The following MMEL1 variants were observed in gnomAD, a reference collection of about 807,000 sequenced individuals.
MMEL1 encodes membrane metalloendopeptidase like 1.
A neutral mutation model predicts 117.1 loss-of-function variants in MMEL1; 98 were observed. That is an observed-to-expected ratio of 0.84 (90% confidence interval 0.71 to 0.99). The LOEUF is 0.99. Ranked by LOEUF, MMEL1 falls within the 50% of genes least tolerant of loss-of-function variation. The pLI is 0.00. For synonymous variants in MMEL1, 390 were observed against 415.1 expected, an observed-to-expected ratio of 0.94 and a Z score of 0.74; for missense variants, 1,014 against 1,049.1, an observed-to-expected ratio of 0.97 and a Z score of 0.46.
Position 2,596,651 on chromosome 1 carries a change from A to C in MMEL1, c.1311T>G (p.Arg437=). ...TGCTGTTGACGTAGCCCACACATTCACGCCAGCGCACCTCCTCCACCATTG... is the reference window on the plus strand; with the variant it reads ...TGCTGTTGACGTAGCCCACACATTCCCGCCAGCGCACCTCCTCCACCATTG... ...FGTMVEEVRW[R]ECVGYVNSNM... Residue 437 remains arginine, a synonymous_variant, in exon 14 of 24, where the codon CGT becomes CGG. Coordinates refer to ENST00000378412, the MANE Select transcript of MMEL1 (RefSeq NM_033467.4). The C allele has an allele frequency of 6.2e-7, 1 of 1,612,960 alleles. No homozygotes were observed. The highest frequency in any genetic ancestry group is 1.1e-5 in the South Asian group (1 of 91,084).
Position 2,591,090 on chromosome 1 carries a change from C to T in MMEL1, c.2241-1G>A, listed in dbSNP as rs761228284. 2.5e-5 allele frequency: 39 copies of T among 1,574,876 alleles called. No homozygotes were observed. The highest frequency in any genetic ancestry group is 3.1e-5 in the Non-Finnish European group (36 of 1,161,256). On this transcript the variant is annotated splice_acceptor_variant, in intron 23 of 23. Transcript: ENST00000378412. LOFTEE classifies it high-confidence loss of function. ...CAGGTTCTGCAGCGACCCCAGTACCCTGTGGGTGGGTGGGTGTGACAGCAG... is the reference window on the plus strand; with the variant it reads ...CAGGTTCTGCAGCGACCCCAGTACCTTGTGGGTGGGTGGGTGTGACAGCAG...
intron 2 of MMEL1, among the ~76,000 whole-genome samples, chr1:2,619,010 C>T (rs1333323329): frequency 1.3e-5 from 2 of 152,188 alleles, no homozygotes; most frequent in Non-Finnish European, 2.9e-5. Flanking sequence ...TATCTCTTGA[C>T]TGTGCGTGGC....
At chr1:2,614,683 A>C (rs1645175959) in intron 2 of MMEL1, among the ~76,000 whole-genome samples, 1 of 152,160 alleles carries the variant, frequency 6.6e-6, no homozygotes, top group South Asian at 2.1e-4. Flanking sequence ...AAGCAACACC[A>C]ACCAAGGAGT....
chr1:2,629,777 A>C (rs1288309830), intron 1 of MMEL1: 1 of 351,392 alleles, frequency 2.8e-6, no homozygotes, highest in Non-Finnish European at 5.1e-6. Flanking sequence ...AGCTGGACCC[A>C]GGAGGCTCAG....
At position 2,595,427 on chromosome 1, in the gene MMEL1, A is replaced by G. The variant is rs2100929816; in HGVS notation, c.1501-68T>C. The G allele has an allele frequency of 1.4e-6, 2 of 1,381,540 alleles. No homozygotes were observed. Among genetic ancestry groups the G allele is most frequent in the Non-Finnish European group, 1.0e-6 (1 of 971,846 alleles). The allele number at this position is 1,381,540 out of a possible 1,614,324, so 85.6% of individuals were successfully genotyped here. A position where few individuals can be genotyped will look rare whatever the true frequency, so the allele number is the denominator to read the frequency against. ...GATGGAGTCAGCCCGGGGGCCGGTC[A>G]GTGAGTGCCACACTGTGGGAGGGGT... On this transcript the variant is annotated intron_variant, in intron 15 of 23. Coordinates refer to ENST00000378412, the MANE Select transcript of MMEL1 (RefSeq NM_033467.4). This position sits in a 1 kb window ranked among gnomAD's most constrained non-coding sequence, Gnocchi z 4.8.
intron 1 of MMEL1, among the ~76,000 whole-genome samples, chr1:2,632,021 C>A (rs1008414625): frequency 6.6e-6 from 1 of 152,204 alleles, no homozygotes; most frequent in Non-Finnish European, 1.5e-5. Context: ...TGTCAGGACC[C>A]TCTTTGGCCC....
Position 2,609,295 on chromosome 1 carries a change from C to T in MMEL1, c.535+44G>A, listed in dbSNP as rs963479409. ...GCTAGGCCCTGGCAGGGGCAGCCCG[C>T]CCCCGTCCCCTGCCTCGGCCCCTTC... On this transcript the variant is annotated intron_variant, in intron 6 of 23. Transcript: ENST00000378412. The T allele has an allele frequency of 5.7e-6, 9 of 1,577,588 alleles. No individual in the cohort carries two copies. In the Admixed American group the frequency reaches 1.4e-4, roughly 25 times the overall value.
Position 2,597,842 on chromosome 1 carries a change from G to A in MMEL1, c.1272+365C>T, listed in dbSNP as rs146547356. 4.7e-4 allele frequency among the ~76,000 whole-genome samples: 72 copies of A among 152,250 alleles called. No individual in the cohort carries two copies. In the East Asian group the frequency reaches 0.012, roughly 25 times the overall value. ...CTCCTTCCTGTCCGCTGCTGACCAC[G>A]GGTCCGGCCCCTGCCTGCTCCTGCC... is the stretch of plus-strand genomic sequence containing the variant. On this transcript the variant is annotated intron_variant, in intron 13 of 23. Transcript: ENST00000378412.
intron 5 of MMEL1, 54 bp from the exon 6 acceptor site, chr1:2,609,473 G>T: frequency 6.4e-7 from 1 of 1,567,422 alleles, no homozygotes; most frequent in Non-Finnish European, 8.7e-7. Context: ...CAGGGGCCAG[G>T]TCACAGGTCC....
At position 2,592,985 on chromosome 1, in the gene MMEL1, G is replaced by C; in HGVS notation, c.1868-19C>G. 6.2e-7 allele frequency: 1 copy of C among 1,611,572 alleles called. No individual in the cohort carries two copies. Among genetic ancestry groups the C allele is most frequent in the Non-Finnish European group, 8.5e-7 (1 of 1,179,378 alleles). On this transcript the variant is annotated intron_variant, in intron 19 of 23. Transcript: ENST00000378412. ...TTCCGGCCTGGGCAGGGGCAGAGGA[G>C]GGCTGCCCACATGCCCCTGGCTGCA... is the stretch of plus-strand genomic sequence containing the variant.
In MMEL1 at chr1:2,606,324, G is replaced by A. The variant is rs1276535377; in HGVS notation, c.674C>T (p.Ser225Leu). Reference protein sequence around the residue: ...ELERQLALMNSQFNRRVLIDL... With the variant: ...ELERQLALMNLQFNRRVLIDL... Reference sequence around the variant, plus strand: ...GATGAGGACGCGCCTGTTGAACTGTGAGTTCATCAGCGCCAGCTGCCGCTC... The same window carrying A: ...GATGAGGACGCGCCTGTTGAACTGTAAGTTCATCAGCGCCAGCTGCCGCTC... The change falls in exon 8 of 24, where the codon TCA (serine) becomes TTA (leucine). Residue 225 changes from serine to leucine, a missense_variant. Coordinates refer to ENST00000378412, the MANE Select transcript of MMEL1 (RefSeq NM_033467.4). 2 of 1,612,476 alleles carry A rather than the reference G, an allele frequency of 1.2e-6. No individual in the cohort carries two copies. The highest frequency in any genetic ancestry group is 2.7e-5 in the African/African-American group (2 of 74,932).
chr1:2,624,899 C>T (rs912224536), intron 2 of MMEL1, among the ~76,000 whole-genome samples: 15 of 152,122 alleles, frequency 9.9e-5, no homozygotes, highest in African/African-American at 1.9e-4. Context: ...GCAAAGGGGA[C>T]GCAAGCACGT....
At chr1:2,630,529 TG>T (rs922428589) in intron 1 of MMEL1, among the ~76,000 whole-genome samples, 18 of 149,086 alleles carry the variant, frequency 1.2e-4, no homozygotes, top group African/African-American at 4.3e-4. Flanking sequence ...CATGATTGCG[TG>T]GATATGCACT....
chr1:2,624,437 G>C (rs921535295), intron 2 of MMEL1, among the ~76,000 whole-genome samples: 6 of 152,208 alleles, frequency 3.9e-5, no homozygotes, highest in Admixed American at 2.6e-4. Flanking sequence ...CGCACTGATG[G>C]AAGAGGAGGT....
At chr1:2,594,706 C>T (rs1460730728) in intron 17 of MMEL1, 84 bp downstream of exon 17, 5 of 1,223,372 alleles carry the variant, frequency 4.1e-6, no homozygotes, top group South Asian at 2.6e-5. Flanking sequence ...CGCATCCAGT[C>T]CCCCGCCTGG....
chr1:2,623,556 T>C (rs1049457565), intron 2 of MMEL1, among the ~76,000 whole-genome samples: 1 of 152,212 alleles, frequency 6.6e-6, no homozygotes, highest in African/African-American at 2.4e-5. Context: ...TAAGAGATGT[T>C]CCAAGTGGGT....
chr1:2,611,402 G>T, intron 3 of MMEL1, 62 bp from the exon 4 acceptor site: 1 of 1,313,824 alleles, frequency 7.6e-7, no homozygotes, highest in Non-Finnish European at 1.0e-6. Flanking sequence ...GGACTGGAGT[G>T]GGTGTGGGCG....
Position 2,613,841 on chromosome 1 carries a change from AC to A in MMEL1, c.155-1638del, listed in dbSNP as rs1313898286. ...ACTCCAGCCTGGGAGACAGAGTGAGACCCTGTCTCAAAATAAAAACAAAAAC... is the reference window on the plus strand; with the variant it reads ...ACTCCAGCCTGGGAGACAGAGTGAGACCTGTCTCAAAATAAAAACAAAAAC... On this transcript the variant is annotated intron_variant, in intron 2 of 23. Transcript: ENST00000378412. Among the ~76,000 whole-genome samples the A allele has an allele frequency of 5.9e-5, 9 of 152,212 alleles. No individual in the cohort carries two copies. The South Asian group carries it at 1.0e-3, about 18-fold the overall frequency.
Position 2,612,947 on chromosome 1 carries a change from G to A in MMEL1, c.155-743C>T, listed in dbSNP as rs1183939515. The stretch of plus-strand genomic sequence containing the variant: ...AGGTACACAGAGGACTGAATGGAAG[G>A]AGGGAACAGGGCTCGTTCAGGTCAG... On this transcript the variant is annotated intron_variant, in intron 2 of 23. Coordinates refer to ENST00000378412, the MANE Select transcript of MMEL1 (RefSeq NM_033467.4). This position sits in a 1 kb window ranked among gnomAD's most constrained non-coding sequence, Gnocchi z 5.4. Among the ~76,000 whole-genome samples, 1 of 152,220 alleles carries A rather than the reference G, an allele frequency of 6.6e-6. No individual in the cohort carries two copies. Among genetic ancestry groups the A allele is most frequent in the Non-Finnish European group, 1.5e-5 (1 of 68,044 alleles).
Sources: allele counts gnomAD v4.1 joint callset (sites outside exome capture counted in the v4.1 genomes callset), GRCh38; gene constraint gnomAD v4.1.1; non-coding constraint Gnocchi (gnomAD v3.1); transcripts MANE v1.5; gene names NCBI Gene and HGNC (gene_info 2026-07-23, HGNC 2026-07-21).